The following SUPT3H variants were observed in gnomAD, a reference collection of about 807,000 sequenced individuals.
SUPT3H encodes the protein SPT3 homolog, SAGA and STAGA complex component.
SUPT3H carries 44 observed loss-of-function variants against 44.3 expected under a neutral mutation model. The ratio of observed to expected loss-of-function variants is 0.99; its 90% CI spans 0.78 to 1.28. SUPT3H has a LOEUF of 1.28. SUPT3H is among the 50% of genes most tolerant of loss of function. The pLI is 0.00. For synonymous variants in SUPT3H, 124 were observed against 125.6 expected, an observed-to-expected ratio of 0.99 and a Z score of 0.09; for missense variants, 380 against 387.1, an observed-to-expected ratio of 0.98 and a Z score of 0.15.
intron 6 of SUPT3H, among the ~76,000 whole-genome samples, chr6:44,966,802 C>T (rs1266222342): frequency 6.6e-6 from 1 of 152,198 alleles, no homozygotes. Context: ...GTCAAAGGCA[C>T]TGAAAACACA....
At chr6:45,052,360 T>C (rs1307273726) in intron 3 of SUPT3H, among the ~76,000 whole-genome samples, 1 of 152,188 alleles carries the variant, frequency 6.6e-6, no homozygotes, top group African/African-American at 2.4e-5. Context: ...ATGAAACTTG[T>C]TTATCAGGTG....
chr6:44,918,801 A>C (rs530271655), intron 10 of SUPT3H, among the ~76,000 whole-genome samples: 6 of 152,216 alleles, frequency 3.9e-5, no homozygotes, highest in Non-Finnish European at 7.3e-5. Flanking sequence ...TCTGGTGCTA[A>C]CGAAATCCAC....
chr6:45,330,189 A>G (rs576264592), intron 2 of SUPT3H, among the ~76,000 whole-genome samples: 53 of 151,966 alleles, frequency 3.5e-4, no homozygotes, highest in Non-Finnish European at 5.6e-4. Context: ...TATAATATAT[A>G]CAATATAATA....
chr6:45,048,438 G>C (rs1022175551), intron 3 of SUPT3H, among the ~76,000 whole-genome samples: 1 of 151,752 alleles, frequency 6.6e-6, no homozygotes, highest in Non-Finnish European at 1.5e-5. Context: ...GTTGATTTTT[G>C]CATATGAAAT....
chr6:45,178,607 T>C (rs71205539), intron 2 of SUPT3H, among the ~76,000 whole-genome samples: 1 of 152,030 alleles, frequency 6.6e-6, no homozygotes, highest in Non-Finnish European at 1.5e-5. Context: ...ATCAACAGAA[T>C]ATACATTTTT....
intron 2 of SUPT3H, among the ~76,000 whole-genome samples, chr6:45,142,735 T>TAA (rs1805425494): frequency 1.1e-4 from 1 of 9,066 alleles, no homozygotes; most frequent in African/African-American, 5.7e-4. Flanking sequence ...AAACTCCGTC[T>TAA]CAAAAAAAAA....
chr6:45,251,350 T>TTAGAATA (rs1165543966), intron 2 of SUPT3H, among the ~76,000 whole-genome samples: 1 of 151,808 alleles, frequency 6.6e-6, no homozygotes, highest in Non-Finnish European at 1.5e-5. Flanking sequence ...TAAAACCAAT[T>TTAGAATA]AGTCTCTTCT....
chr6:45,096,386 T>C (rs537001429), intron 3 of SUPT3H, among the ~76,000 whole-genome samples: 1 of 152,330 alleles, frequency 6.6e-6, no homozygotes, highest in South Asian at 2.1e-4. Context: ...TTTTAGATGA[T>C]GTATTTTCAT....
intron 3 of SUPT3H, among the ~76,000 whole-genome samples, chr6:45,036,817 T>C (rs1225850661): frequency 6.6e-6 from 1 of 152,104 alleles, no homozygotes; most frequent in East Asian, 1.9e-4. Flanking sequence ...AGTAAGAAGA[T>C]GACTTTTCAT....
intron 3 of SUPT3H, among the ~76,000 whole-genome samples, chr6:45,096,396 T>C (rs555400344): frequency 6.6e-6 from 1 of 152,310 alleles, no homozygotes; most frequent in African/African-American, 2.4e-5. Context: ...TGTATTTTCA[T>C]TATTTAACAT....
chr6:45,282,532 G>A lies in SUPT3H; in HGVS notation c.101+82669C>T, dbSNP rs192307953. Among the ~76,000 whole-genome samples, 515 of 151,956 alleles carry A rather than the reference G, an allele frequency of 3.4e-3. 5 individuals are homozygous for A. Among genetic ancestry groups the A allele is most frequent in the African/African-American group, 0.012 (491 of 41,444 alleles). On this transcript the variant is annotated intron_variant, in intron 2 of 10. Transcript: ENST00000371459. ...GAAATGAAGTGAGAAGAGAAGTTTC[G>A]AAAAAAAGAATAAAAAGAAACAAAC...
chr6:45,295,544 A>C lies in SUPT3H; in HGVS notation c.101+69657T>G, dbSNP rs866114720. Among the ~76,000 whole-genome samples the C allele has an allele frequency of 6.7e-5, 10 of 149,150 alleles. 1 individual carries two copies. The highest frequency in any genetic ancestry group is 2.1e-4 in the South Asian group (1 of 4,706). On this transcript the variant is annotated intron_variant, in intron 2 of 10. Transcript: ENST00000371459. ...CACAGCAAAAAAAAAAAAAAAAAAA[A>C]AAAAAAAAAACAGCAGAGTCAACAG...
intron 10 of SUPT3H, among the ~76,000 whole-genome samples, chr6:44,863,535 G>C (rs1291018485): frequency 6.6e-6 from 1 of 152,178 alleles, no homozygotes; most frequent in Non-Finnish European, 1.5e-5. Context: ...TCTAGGTAGA[G>C]AGAAGTGAAA....
intron 6 of SUPT3H, among the ~76,000 whole-genome samples, chr6:44,966,797 A>G (rs1776843937): frequency 6.6e-6 from 1 of 152,236 alleles, no homozygotes; most frequent in South Asian, 2.1e-4. Flanking sequence ...TCATTGTCAA[A>G]GGCACTGAAA....
chr6:44,869,143 C>G (rs1417859240), intron 10 of SUPT3H, among the ~76,000 whole-genome samples: 1 of 152,078 alleles, frequency 6.6e-6, no homozygotes, highest in Non-Finnish European at 1.5e-5. Flanking sequence ...AGTGCCAGCT[C>G]TTGTCCAAAC....
At chr6:45,217,207 T>C (rs569746145) in intron 2 of SUPT3H, among the ~76,000 whole-genome samples, 1 of 150,818 alleles carries the variant, frequency 6.6e-6, no homozygotes, top group East Asian at 1.9e-4. Context: ...CCAGGCATGG[T>C]GGCTCATGCC....
chr6:45,332,555 C>G (rs1031989691), intron 2 of SUPT3H, among the ~76,000 whole-genome samples: 2 of 151,662 alleles, frequency 1.3e-5, no homozygotes, highest in African/African-American at 2.4e-5. Context: ...TTCTAGGATA[C>G]TAAGATATGA....
chr6:44,812,183 T>G (rs1166164336), intron 11 of SUPT3H, among the ~76,000 whole-genome samples: 1 of 152,258 alleles, frequency 6.6e-6, no homozygotes, highest in Non-Finnish European at 1.5e-5. Context: ...AAGTCCAGTA[T>G]AAGTCTCATT....
intron 2 of SUPT3H, among the ~76,000 whole-genome samples, chr6:45,361,858 C>G (rs1020112182): frequency 6.6e-6 from 1 of 152,154 alleles, no homozygotes; most frequent in Non-Finnish European, 1.5e-5. Context: ...TGAGACCAGC[C>G]TGGCCAACAT....
Sources: gnomAD v4.1 joint callset for allele counts (sites outside exome capture counted in the v4.1 genomes callset) on GRCh38, gnomAD v4.1.1 for gene constraint, MANE v1.5 for transcripts, NCBI Gene and HGNC (gene_info 2026-07-23, HGNC 2026-07-21) for gene names.